The following SV2C variants were observed in gnomAD, a reference collection of about 807,000 sequenced individuals.
SV2C encodes synaptic vesicle glycoprotein 2C.
A neutral mutation model predicts 79.7 loss-of-function variants in SV2C; 49 were observed. The ratio of observed to expected loss-of-function variants is 0.61; its 90% CI spans 0.49 to 0.78. The LOEUF (loss-of-function observed/expected upper bound fraction) is 0.78. SV2C is among the 30% of genes least tolerant of loss of function. The pLI is 0.00. For synonymous variants in SV2C, 334 were observed against 333.2 expected (o/e 1.00, Z -0.03); for missense variants, 833 against 912.9 (o/e 0.91, Z 1.13).
chr5:75,989,446 C>T, the SV2C span, among the ~76,000 whole-genome samples: 3,964 of 152,112 alleles, frequency 0.026, 189 homozygotes, highest in African/African-American at 0.089. Flanking sequence ...ATTTATGTCC[C>T]TGCAAAGGAT....
chr5:76,268,764 T>C (rs1746747317), intron 4 of SV2C, among the ~76,000 whole-genome samples: 2 of 152,214 alleles, frequency 1.3e-5, no homozygotes, highest in South Asian at 4.1e-4. Context: ...TTTTACTCTT[T>C]CATTGTGTGT....
At chr5:75,947,414 G>GC in the SV2C span, among the ~76,000 whole-genome samples, 2 of 150,536 alleles carry the variant, frequency 1.3e-5, no homozygotes, top group African/African-American at 2.5e-5. Flanking sequence ...TTCTCTATCT[G>GC]CCCCCCTTGG....
the SV2C span, among the ~76,000 whole-genome samples, chr5:75,950,856 G>T: frequency 1.3e-5 from 2 of 151,890 alleles, no homozygotes; most frequent in Non-Finnish European, 2.9e-5. Flanking sequence ...TTCTTCCATA[G>T]TGTCTACCTA....
chr5:76,132,234 C>G lies in SV2C; in HGVS notation c.484C>G (p.Leu162Val). ...WALFFVLGMALMADGVEVFVV... is the reference protein window; with the variant it reads ...WALFFVLGMAVMADGVEVFVV... ...CCTTTTCTTCGTCCTGGGCATGGCT[C>G]TTATGGCAGACGGTGTAGAGGTGTT... The change falls in exon 2 of 13, where the codon CTT (leucine) becomes GTT (valine). Residue 162 changes from leucine (L) to valine (V), a missense_variant. Coordinates refer to ENST00000502798, the MANE Select transcript of SV2C (RefSeq NM_014979.4). 6.2e-7 allele frequency: 1 copy of G among 1,614,110 alleles called. No individual in the cohort carries two copies. The highest frequency in any genetic ancestry group is 1.1e-5 in the South Asian group (1 of 91,072).
the SV2C span, among the ~76,000 whole-genome samples, chr5:75,964,985 T>C: frequency 6.6e-5 from 10 of 152,306 alleles, no homozygotes; most frequent in South Asian, 1.9e-3. Context: ...TACAATAGTA[T>C]ATTTACTGGT....
chr5:76,325,668 C>T lies in SV2C; in HGVS notation c.*121C>T, dbSNP rs981247550. On this transcript the variant is annotated 3_prime_UTR_variant, in exon 13 of 13. Transcript: ENST00000502798. ...GTGATCAAGTATCAGAACATAAACA[C>T]GTGCTGTGACTTAAAATTTAGAAGC... 3.1e-5 allele frequency: 42 copies of T among 1,357,666 alleles called. No homozygotes were observed. Among genetic ancestry groups the T allele is most frequent in the Non-Finnish European group, 3.9e-5 (39 of 1,009,664 alleles). 84.1% of individuals were successfully genotyped at this position (1,357,666 alleles called of 1,614,324 possible). A position where few individuals can be genotyped will look rare whatever the true frequency, so the allele number is the denominator to read the frequency against.
At chr5:76,158,960 T>G (rs1742819885) in intron 2 of SV2C, among the ~76,000 whole-genome samples, 1 of 152,064 alleles carries the variant, frequency 6.6e-6, no homozygotes, top group Admixed American at 6.6e-5. Flanking sequence ...GTGGGATTTA[T>G]CTCAGGAATG....
At chr5:75,888,542 G>A in the SV2C span, among the ~76,000 whole-genome samples, 2 of 152,026 alleles carry the variant, frequency 1.3e-5, no homozygotes, top group South Asian at 2.1e-4. Context: ...CTGAGTGGAA[G>A]GCTTTTCCTT....
At chr5:75,886,632 T>C in the SV2C span, among the ~76,000 whole-genome samples, 7 of 152,188 alleles carry the variant, frequency 4.6e-5, no homozygotes, top group African/African-American at 1.2e-4. Flanking sequence ...CTGGGGATTG[T>C]GCTAGACACT....
chr5:76,322,506 T>G (rs1021833770), intron 12 of SV2C, among the ~76,000 whole-genome samples: 4 of 152,164 alleles, frequency 2.6e-5, no homozygotes, highest in African/African-American at 4.8e-5. Context: ...CAACTACCAT[T>G]GACATTCTTC....
the SV2C span, among the ~76,000 whole-genome samples, chr5:75,868,245 G>A: frequency 2.6e-5 from 4 of 152,162 alleles, 1 homozygote; most frequent in Admixed American, 1.3e-4. Context: ...AGGAAGGAAA[G>A]TGAAAAGATT....
At chr5:76,268,005 A>C (rs6882321) in intron 4 of SV2C, among the ~76,000 whole-genome samples, 22,145 of 152,178 alleles carry the variant, frequency 0.15, 1,848 homozygotes, top group African/African-American at 0.23. Context: ...TTCTAGTAAC[A>C]GAGGAGGGGA....
At chr5:75,985,907 A>G in the SV2C span, among the ~76,000 whole-genome samples, 4 of 151,718 alleles carry the variant, frequency 2.6e-5, no homozygotes, top group Non-Finnish European at 4.4e-5. Flanking sequence ...CACCTTTTCA[A>G]TCTTATTTAA....
At chr5:75,871,678 T>C in the SV2C span, among the ~76,000 whole-genome samples, 7 of 151,606 alleles carry the variant, frequency 4.6e-5, no homozygotes, top group African/African-American at 1.7e-4. Flanking sequence ...TGTGGTGGCG[T>C]GTGACTGTGA....
At chr5:76,033,633 C>T in the SV2C span, among the ~76,000 whole-genome samples, 2 of 152,162 alleles carry the variant, frequency 1.3e-5, no homozygotes, top group Non-Finnish European at 2.9e-5. Flanking sequence ...CAGTACCATG[C>T]TGTTTTAGTT....
intron 3 of SV2C, among the ~76,000 whole-genome samples, chr5:76,203,840 T>C (rs942462168): frequency 2.6e-5 from 4 of 152,236 alleles, no homozygotes; most frequent in Non-Finnish European, 4.4e-5. Context: ...GCTTTGGAAA[T>C]TGAAGACTAA....
At chr5:76,226,600 C>T (rs180690212) in intron 4 of SV2C, among the ~76,000 whole-genome samples, 260 of 152,276 alleles carry the variant, frequency 1.7e-3, no homozygotes, top group Non-Finnish European at 2.9e-3. Context: ...ACATGTTTAG[C>T]TTGATGAGAA....
chr5:76,012,447 G>A, the SV2C span, among the ~76,000 whole-genome samples: 5 of 152,088 alleles, frequency 3.3e-5, no homozygotes, highest in Admixed American at 1.3e-4. Context: ...CCCACTTTTC[G>A]ATGGGGTTGT....
chr5:76,074,228 G>T, the SV2C span, among the ~76,000 whole-genome samples: 1 of 152,194 alleles, frequency 6.6e-6, no homozygotes, highest in Non-Finnish European at 1.5e-5. Context: ...CTGGGAAGCT[G>T]TACTTCTTTT....
Sources: gnomAD v4.1 joint callset for allele counts (sites outside exome capture counted in the v4.1 genomes callset) on GRCh38, gnomAD v4.1.1 for gene constraint, MANE v1.5 for transcripts, NCBI Gene and HGNC (gene_info 2026-07-23, HGNC 2026-07-21) for gene names.